The following PTPRT variants were observed in gnomAD, a reference collection of about 807,000 sequenced individuals.
The protein encoded by PTPRT is receptor-type tyrosine-protein phosphatase T.
A neutral mutation model predicts 176.8 loss-of-function variants in PTPRT; 56 were observed. The observed-to-expected ratio is 0.32, with a 90% CI of 0.26 to 0.40. PTPRT has a LOEUF of 0.40. Ranked by LOEUF, PTPRT falls within the 10% of genes least tolerant of loss-of-function variation. The pLI, the probability that PTPRT is intolerant of heterozygous loss-of-function variation, is 1.00. For missense variants in PTPRT, 1,540 were observed against 1,908.2 expected (o/e 0.81, Z 3.60); for synonymous variants, 783 against 739.0 (o/e 1.06, Z -0.96).
chr20:42,903,417 T>C (rs1333035864), intron 1 of PTPRT, among the ~76,000 whole-genome samples: 1 of 152,250 alleles, frequency 6.6e-6, no homozygotes, highest in Non-Finnish European at 1.5e-5. Flanking sequence ...TTGGTTTATG[T>C]ACCCAGTTTT....
intron 7 of PTPRT, among the ~76,000 whole-genome samples, chr20:42,474,110 G>A (rs2071246065): frequency 6.6e-6 from 1 of 152,128 alleles, no homozygotes; most frequent in African/African-American, 2.4e-5. Context: ...TGCAGTAATA[G>A]TAATAATATA....
intron 5 of PTPRT, among the ~76,000 whole-genome samples, chr20:42,759,543 G>T (rs1041799225): frequency 1.3e-5 from 2 of 152,158 alleles, no homozygotes; most frequent in African/African-American, 2.4e-5. Context: ...AGGATGTCAG[G>T]AAGATGGAGC....
At chr20:42,395,204 C>T (rs921774467) in intron 9 of PTPRT, among the ~76,000 whole-genome samples, 34 of 152,148 alleles carry the variant, frequency 2.2e-4, no homozygotes, top group Non-Finnish European at 8.8e-5. Context: ...AACACCTCCA[C>T]GCTCTCCTCA....
intron 3 of PTPRT, among the ~76,000 whole-genome samples, chr20:42,782,668 A>G (rs895348192): frequency 6.6e-6 from 1 of 152,332 alleles, no homozygotes; most frequent in South Asian, 2.1e-4. Context: ...ATTGTATGCT[A>G]TAAGATAAAC....
rs140403356 is a variant in PTPRT, at chr20:42,665,049, C to A, written c.1153+12817G>T. On this transcript the variant is annotated intron_variant, in intron 7 of 30. Coordinates refer to ENST00000373187, the MANE Select transcript of PTPRT (RefSeq NM_007050.6). ...AGGACATAGGCATGGGCAAGGACTT[C>A]ATGTCTAAAACACCAAAAGCAATGG... Among the ~76,000 whole-genome samples the A allele has an allele frequency of 8.4e-3, 1,271 of 152,194 alleles. 6 individuals are homozygous for A. Among genetic ancestry groups the A allele is most frequent in the Middle Eastern group, 0.017 (5 of 294 alleles).
intron 1 of PTPRT, among the ~76,000 whole-genome samples, chr20:43,033,047 G>A (rs1165360149): frequency 6.6e-6 from 1 of 152,148 alleles, no homozygotes; most frequent in African/African-American, 2.4e-5. Context: ...CGGTACCTGA[G>A]ACCTCCCAAA....
chr20:42,679,668 T>C (rs1195490937), intron 6 of PTPRT, among the ~76,000 whole-genome samples: 1 of 152,202 alleles, frequency 6.6e-6, no homozygotes, highest in African/African-American at 2.4e-5. Context: ...TAATAACACA[T>C]AGACCCAATG....
intron 1 of PTPRT, among the ~76,000 whole-genome samples, chr20:42,901,532 T>C (rs961908863): frequency 6.6e-6 from 1 of 152,198 alleles, no homozygotes; most frequent in African/African-American, 2.4e-5. Flanking sequence ...ATCCCATACC[T>C]GTCTCTGTGG....
intron 13 of PTPRT, among the ~76,000 whole-genome samples, chr20:42,270,658 A>G (rs1462317630): frequency 6.6e-6 from 1 of 152,212 alleles, no homozygotes; most frequent in Non-Finnish European, 1.5e-5. Flanking sequence ...AAGAGGCACC[A>G]CTTATCAAGC....
At chr20:42,434,235 A>C (rs1232984843) in intron 9 of PTPRT, among the ~76,000 whole-genome samples, 3 of 151,864 alleles carry the variant, frequency 2.0e-5, no homozygotes, top group Non-Finnish European at 2.9e-5. Flanking sequence ...ATGAAAACTA[A>C]ATTATTTTAA....
chr20:42,907,400 A>G (rs879730950), intron 1 of PTPRT, among the ~76,000 whole-genome samples: 2 of 152,128 alleles, frequency 1.3e-5, no homozygotes, highest in Admixed American at 1.3e-4. Context: ...CAAACCCTCC[A>G]ACCTCAACGT....
intron 1 of PTPRT, among the ~76,000 whole-genome samples, chr20:42,909,074 G>C (rs2079513858): frequency 6.6e-6 from 1 of 152,166 alleles, no homozygotes; most frequent in Admixed American, 6.5e-5. Context: ...AGGATCACTT[G>C]AACCCAGGAG....
At chr20:42,679,300 A>G (rs1455894219) in intron 6 of PTPRT, among the ~76,000 whole-genome samples, 4 of 130,316 alleles carry the variant, frequency 3.1e-5, no homozygotes, top group African/African-American at 1.7e-4. Flanking sequence ...TTAATGGGGA[A>G]AAAAAAAAAA....
intron 7 of PTPRT, among the ~76,000 whole-genome samples, chr20:42,573,197 G>A (rs958053808): frequency 2.6e-5 from 4 of 152,156 alleles, no homozygotes; most frequent in African/African-American, 9.7e-5. Context: ...AGAGAAACAA[G>A]GTGCATCTAG....
At chr20:43,059,045 C>G (rs1468117559) in intron 1 of PTPRT, among the ~76,000 whole-genome samples, 1 of 152,182 alleles carries the variant, frequency 6.6e-6, no homozygotes, top group Non-Finnish European at 1.5e-5. Context: ...CCTTTGAAAC[C>G]AGTCTGCACC....
intron 13 of PTPRT, among the ~76,000 whole-genome samples, chr20:42,276,591 C>T (rs2057043789): frequency 7.9e-6 from 1 of 125,954 alleles, no homozygotes; most frequent in Non-Finnish European, 1.7e-5. Context: ...AAAGGGCTAC[C>T]GATCTCAGGC....
At chr20:42,548,503 A>C (rs2072713650) in intron 7 of PTPRT, among the ~76,000 whole-genome samples, 2 of 152,156 alleles carry the variant, frequency 1.3e-5, no homozygotes, top group South Asian at 4.1e-4. Context: ...AAATGGATCA[A>C]ATAACAAAAC....
At chr20:42,193,718 T>C (rs989918627) in intron 16 of PTPRT, among the ~76,000 whole-genome samples, 1 of 152,218 alleles carries the variant, frequency 6.6e-6, no homozygotes, top group African/African-American at 2.4e-5. Flanking sequence ...TCTTCTTCTT[T>C]GGGCATTTTC....
chr20:42,807,776 ATTCT>A (rs2077633805), intron 2 of PTPRT, among the ~76,000 whole-genome samples: 1 of 152,158 alleles, frequency 6.6e-6, no homozygotes, highest in African/African-American at 2.4e-5. Context: ...TCATTCATTC[ATTCT>A]TTTACTAATT....
Sources: gnomAD v4.1 joint callset for allele counts (sites outside exome capture counted in the v4.1 genomes callset) on GRCh38, gnomAD v4.1.1 for gene constraint, MANE v1.5 for transcripts, NCBI Gene and HGNC (gene_info 2026-07-23, HGNC 2026-07-21) for gene names.